SLC44A5: variants seen among roughly 807,000 people sequenced by gnomAD.
SLC44A5 encodes choline transporter-like protein 5.
A neutral mutation model predicts 101.8 loss-of-function variants in SLC44A5; 57 were observed. The ratio of observed to expected loss-of-function variants is 0.56; its 90% CI spans 0.45 to 0.70. The LOEUF is 0.70. Ranked by LOEUF, SLC44A5 falls within the 30% of genes least tolerant of loss-of-function variation. The pLI is 0.00. For missense variants in SLC44A5, 737 were observed against 853.1 expected (o/e 0.86, Z 1.70); for synonymous variants, 281 against 290.9 (o/e 0.97, Z 0.35).
At chr1:75,336,622 A>G (rs1434885945) in intron 4 of SLC44A5, among the ~76,000 whole-genome samples, 2 of 152,218 alleles carry the variant, frequency 1.3e-5, no homozygotes, top group African/African-American at 4.8e-5. Context: ...AACTGTAGCA[A>G]TTTGGACTTT....
chr1:75,582,600 T>C (rs555533066), intron 1 of SLC44A5: 240 of 346,790 alleles, frequency 6.9e-4, no homozygotes, highest in South Asian at 4.5e-3. Flanking sequence ...GAAGGACTGG[T>C]GTGACCCGCC....
At position 75,414,312 on chromosome 1, in the gene SLC44A5, T is replaced by TATCC. The variant is rs1407302105; in HGVS notation, c.14-17692_14-17691insGGAT. 5.2e-3 allele frequency among the ~76,000 whole-genome samples: 641 copies of TATCC among 123,822 alleles called. 5 individuals are homozygous for TATCC. The highest frequency in any genetic ancestry group is 0.02 in the African/African-American group (620 of 30,862). 81.2% of individuals were successfully genotyped at this position (123,822 alleles called of 152,430 possible). A position where few individuals can be genotyped will look rare whatever the true frequency, so the allele number is the denominator to read the frequency against. On this transcript the variant is annotated intron_variant, in intron 2 of 23. Coordinates refer to ENST00000370859, the MANE Select transcript of SLC44A5 (RefSeq NM_001130058.2). ...ATACATACATACATACATACATACATACATATCCACATACACACACACACA... is the reference window on the plus strand; with the variant it reads ...ATACATACATACATACATACATACATATCCACATATCCACATACACACACACACA...
intron 20 of SLC44A5, 93 bp from the exon 21 acceptor site, chr1:75,214,082 G>A: frequency 2.5e-6 from 2 of 798,968 alleles, no homozygotes; most frequent in South Asian, 3.4e-5. Context: ...AGTTTATTTT[G>A]GTGTGTCTTT....
chr1:75,486,439 T>C (rs1199180517), intron 2 of SLC44A5, among the ~76,000 whole-genome samples: 1 of 152,230 alleles, frequency 6.6e-6, no homozygotes, highest in Non-Finnish European at 1.5e-5. Flanking sequence ...AGATATCAAA[T>C]GTTTTACTCT....
intron 2 of SLC44A5, among the ~76,000 whole-genome samples, chr1:75,528,145 A>ACTGCT (rs1557876258): frequency 6.6e-6 from 1 of 152,038 alleles, no homozygotes; most frequent in Non-Finnish European, 1.5e-5. Flanking sequence ...ATTTCTTTCT[A>ACTGCT]CTGCTCTTTC....
At chr1:75,570,642 T>C (rs1161231807) in intron 1 of SLC44A5, among the ~76,000 whole-genome samples, 1 of 152,206 alleles carries the variant, frequency 6.6e-6, no homozygotes, top group East Asian at 1.9e-4. Flanking sequence ...AGAAACTATA[T>C]GTAGTTTGCA....
chr1:75,544,439 C>G (rs1333026048), intron 1 of SLC44A5, among the ~76,000 whole-genome samples: 2 of 152,166 alleles, frequency 1.3e-5, no homozygotes, highest in East Asian at 3.9e-4. Flanking sequence ...GTTGTATATT[C>G]TTTAACCATA....
In SLC44A5 at chr1:75,287,292, GT is replaced by G. The variant is rs371657405; in HGVS notation, c.176-12251del. Among the ~76,000 whole-genome samples the G allele has an allele frequency of 3.4e-3, 518 of 150,828 alleles. 10 individuals are homozygous for G. In the South Asian group the frequency reaches 0.047, roughly 14 times the overall value. ...TTCTTCATTTCCAGAAGTTGTGATT[GT>G]TTTTTATTTATGCTGTCTATTTCTC... On this transcript the variant is annotated intron_variant, in intron 5 of 23. Coordinates refer to ENST00000370859, the MANE Select transcript of SLC44A5 (RefSeq NM_001130058.2).
At position 75,348,419 on chromosome 1, in the gene SLC44A5, C is replaced by T. The variant is rs539759641; in HGVS notation, c.53-8789G>A. 5.3e-5 allele frequency among the ~76,000 whole-genome samples: 8 copies of T among 152,240 alleles called. No individual in the cohort carries two copies. The South Asian group carries it at 1.2e-3, about 24-fold the overall frequency. ...TGTTCAAGATGAGGGCTCAAATAGA[C>T]TGTCCCTCCATACAGTTGGAACTTT... On this transcript the variant is annotated intron_variant, in intron 3 of 23. Coordinates refer to ENST00000370859, the MANE Select transcript of SLC44A5 (RefSeq NM_001130058.2).
the SLC44A5 span, chr1:75,723,957 G>A: frequency 6.6e-6 from 1 of 152,010 alleles, no homozygotes; most frequent in East Asian, 1.9e-4. Context: ...CAAAACTCAG[G>A]GTCTCACTGG....
At chr1:75,536,738 G>A (rs1671037764) in intron 2 of SLC44A5, among the ~76,000 whole-genome samples, 1 of 148,428 alleles carries the variant, frequency 6.7e-6, no homozygotes, top group Non-Finnish European at 1.5e-5. Context: ...CGGGCGCGGT[G>A]GCTCACGCCT....
At chr1:75,219,766 C>G in intron 15 of SLC44A5, 34 bp downstream of exon 15, 1 of 1,387,166 alleles carries the variant, frequency 7.2e-7, no homozygotes, top group East Asian at 2.3e-5. Context: ...TCATGTGAAC[C>G]TGAGGTTTAA....
At chr1:75,655,357 G>A in the SLC44A5 span, among the ~76,000 whole-genome samples, 1 of 152,284 alleles carries the variant, frequency 6.6e-6, no homozygotes, top group African/African-American at 2.4e-5. Context: ...AGGTGCCCAG[G>A]AAGGGAGTAT....
chr1:75,349,486 AC>A (rs1375461675), intron 3 of SLC44A5, among the ~76,000 whole-genome samples: 3 of 152,232 alleles, frequency 2.0e-5, no homozygotes, highest in African/African-American at 7.2e-5. Context: ...CAAAATAGCC[AC>A]CAACATAGAA....
intron 1 of SLC44A5, among the ~76,000 whole-genome samples, chr1:75,600,573 A>G (rs1271835376): frequency 6.6e-6 from 1 of 152,206 alleles, no homozygotes; most frequent in Admixed American, 6.6e-5. Flanking sequence ...AATAAATACA[A>G]TTCAGCAAAA....
At chr1:75,527,477 C>T (rs1670485834) in intron 2 of SLC44A5, among the ~76,000 whole-genome samples, 1 of 152,004 alleles carries the variant, frequency 6.6e-6, no homozygotes, top group African/African-American at 2.4e-5. Context: ...GGAACAAAAA[C>T]ATAAAAACAT....
chr1:75,558,112 A>C (rs2101999957), intron 1 of SLC44A5, among the ~76,000 whole-genome samples: 1 of 152,230 alleles, frequency 6.6e-6, no homozygotes, highest in Non-Finnish European at 1.5e-5. Context: ...TGTAATTGGC[A>C]CAACAAATGT....
chr1:75,349,290 G>C lies in SLC44A5; in HGVS notation c.53-9660C>G, dbSNP rs185212907. Among the ~76,000 whole-genome samples the C allele has an allele frequency of 3.8e-3, 575 of 152,308 alleles. 6 individuals are homozygous for C. The highest frequency in any genetic ancestry group is 0.013 in the African/African-American group (559 of 41,580). ...GGATGCAGAGGTTGCAGTAAGCTGA[G>C]ATTGTGCCACTGCACTCCAGCCTGG... On this transcript the variant is annotated intron_variant, in intron 3 of 23. Transcript: ENST00000370859.
rs531252751 is a variant in SLC44A5, at chr1:75,604,137, T to G, written c.-70+6903A>C. On this transcript the variant is annotated intron_variant, in intron 1 of 23. Coordinates refer to ENST00000370859, the MANE Select transcript of SLC44A5 (RefSeq NM_001130058.2). ...CCTATGTTTTCTTCTAAGATTCTTA[T>G]AGTTTGAAGTCTTACATTTAATTCT... 3.9e-5 allele frequency among the ~76,000 whole-genome samples: 6 copies of G among 152,270 alleles called. No homozygotes were observed. In the East Asian group the frequency reaches 1.2e-3, roughly 29 times the overall value.
Sources: gnomAD v4.1 joint callset for allele counts (sites outside exome capture counted in the v4.1 genomes callset) on GRCh38, gnomAD v4.1.1 for gene constraint, MANE v1.5 for transcripts, NCBI Gene and HGNC (gene_info 2026-07-23, HGNC 2026-07-21) for gene names.